LTBP1: variants seen among roughly 807,000 people sequenced by gnomAD.
The protein encoded by LTBP1 is latent transforming growth factor beta binding protein 1.
In LTBP1, 129 loss-of-function variants were observed where a neutral mutation model predicts 207.6. The observed-to-expected ratio is 0.62, with a 90% confidence interval of 0.54 to 0.72. LTBP1 has a LOEUF of 0.72. Ranked by LOEUF, LTBP1 falls within the 30% of genes least tolerant of loss-of-function variation. LTBP1 has a pLI of 0.00. For synonymous variants in LTBP1, 963 were observed against 833.7 expected (o/e 1.16, Z -2.67); for missense variants, 2,281 against 2,217.2 (o/e 1.03, Z -0.58).
intron 2 of LTBP1, among the ~76,000 whole-genome samples, chr2:32,984,540 T>G: frequency 6.6e-6 from 1 of 152,204 alleles, no homozygotes; most frequent in Non-Finnish European, 1.5e-5. Flanking sequence ...ACTCCCATTT[T>G]ATAGAGGAGA....
At chr2:33,151,948 C>G (rs1226346706) in intron 5 of LTBP1, among the ~76,000 whole-genome samples, 1 of 150,956 alleles carries the variant, frequency 6.6e-6, no homozygotes, top group Non-Finnish European at 1.5e-5. Context: ...GCAGTTGTGA[C>G]TTGTGCTGCT....
At position 33,189,199 on chromosome 2, in the gene LTBP1, A is replaced by T. The variant is rs540393556; in HGVS notation, c.1701+348A>T. On this transcript the variant is annotated intron_variant, in intron 7 of 33. Transcript: ENST00000404816. ...TATTTATTTATTTGTTTATTGATTG[A>T]TTGATTGATTGATTGAGTTGGAGTC... is the stretch of plus-strand genomic sequence containing the variant. Among the ~76,000 whole-genome samples the T allele has an allele frequency of 2.6e-5, 4 of 151,878 alleles. No individual in the cohort carries two copies. In the South Asian group the frequency reaches 8.4e-4, roughly 32 times the overall value.
intron 3 of LTBP1, among the ~76,000 whole-genome samples, chr2:33,097,131 C>G (rs937351388): frequency 6.6e-6 from 1 of 152,158 alleles, no homozygotes; most frequent in Non-Finnish European, 1.5e-5. Context: ...GTAATCAAAA[C>G]TTTCTTGAAG....
At position 33,356,265 on chromosome 2, in the gene LTBP1, G is replaced by A. The variant is rs545044348; in HGVS notation, c.4001-4332G>A. ...CGTGATGAATCAGGGGTCAGCATCT[G>A]GTTGTCAGGATGTGGTGATCTGGTG... On this transcript the variant is annotated intron_variant, in intron 26 of 33. Transcript: ENST00000404816. 6.0e-4 allele frequency among the ~76,000 whole-genome samples: 91 copies of A among 152,346 alleles called. 1 individual carries two copies. Among genetic ancestry groups the A allele is most frequent in the African/African-American group, 2.1e-3 (87 of 41,576 alleles).
At chr2:33,310,435 T>C (rs1342911327) in intron 23 of LTBP1, among the ~76,000 whole-genome samples, 1 of 152,224 alleles carries the variant, frequency 6.6e-6, no homozygotes, top group Non-Finnish European at 1.5e-5. Context: ...CAGCTGTAAC[T>C]GAGCTTCTTC....
At chr2:32,969,344 T>TGTG (rs70938381) in intron 2 of LTBP1, among the ~76,000 whole-genome samples, 82,965 of 151,080 alleles carry the variant, frequency 0.55, 23,862 homozygotes, top group Non-Finnish European at 0.63. Context: ...AATTGTGTGT[T>TGTG]GTGGTTTGAT....
chr2:33,223,815 A>G (rs577839024), intron 9 of LTBP1, among the ~76,000 whole-genome samples: 2 of 152,304 alleles, frequency 1.3e-5, no homozygotes, highest in African/African-American at 2.4e-5. Context: ...AAGGACCTAG[A>G]AACATGAGTG....
chr2:33,173,503 G>A (rs1026355812), intron 5 of LTBP1, among the ~76,000 whole-genome samples: 7 of 152,176 alleles, frequency 4.6e-5, no homozygotes, highest in African/African-American at 1.4e-4. Flanking sequence ...TGAAATGGTG[G>A]CAATAATCAC....
At chr2:33,365,944 T>C (rs556044289) in intron 31 of LTBP1, among the ~76,000 whole-genome samples, 1 of 152,326 alleles carries the variant, frequency 6.6e-6, no homozygotes, top group Non-Finnish European at 1.5e-5. Flanking sequence ...TGTGGAGATA[T>C]AAGAAACGGG....
At chr2:33,089,154 T>C (rs1572580777) in intron 3 of LTBP1, among the ~76,000 whole-genome samples, 1 of 21,034 alleles carries the variant, frequency 4.8e-5, no homozygotes, top group African/African-American at 9.1e-5. Flanking sequence ...AGACTCAGTC[T>C]CAAAAAAAAA....
intron 5 of LTBP1, among the ~76,000 whole-genome samples, chr2:33,173,392 C>G (rs1289471881): frequency 2.6e-5 from 4 of 152,180 alleles, no homozygotes; most frequent in Non-Finnish European, 4.4e-5. Flanking sequence ...CGCAAATAAA[C>G]TATAAAATCT....
At chr2:33,193,416 A>G (rs1198428217) in intron 7 of LTBP1, among the ~76,000 whole-genome samples, 1 of 152,230 alleles carries the variant, frequency 6.6e-6, no homozygotes, top group Non-Finnish European at 1.5e-5. Flanking sequence ...TGCTGGGATT[A>G]CAGGCATGAG....
intron 32 of LTBP1, among the ~76,000 whole-genome samples, chr2:33,390,782 T>TG (rs1301417139): frequency 6.6e-6 from 1 of 152,118 alleles, no homozygotes; most frequent in East Asian, 1.9e-4. Flanking sequence ...CCACCATGCC[T>TG]GGCCTGCACC....
rs148979643 is a variant in LTBP1, at chr2:32,954,185, T to C, written c.565+5240T>C. ...GCTGTGACATTCTTTCTTGAGGTCT[T>C]GGTCTGAAAACTGTCCTGACAGTCC... On this transcript the variant is annotated intron_variant, in intron 2 of 33. Transcript: ENST00000404816. Among the ~76,000 whole-genome samples, 14 of 152,304 alleles carry C rather than the reference T, an allele frequency of 9.2e-5. 1 individual carries two copies. The East Asian group carries it at 2.7e-3, about 29-fold the overall frequency.
chr2:33,055,538 T>C (rs1450764522), intron 3 of LTBP1, among the ~76,000 whole-genome samples: 1 of 152,230 alleles, frequency 6.6e-6, no homozygotes, highest in African/African-American at 2.4e-5. Context: ...TCCCTTTCTT[T>C]GGCTGTCATT....
At chr2:33,367,354 T>A (rs1039608725) in intron 31 of LTBP1, among the ~76,000 whole-genome samples, 3 of 152,218 alleles carry the variant, frequency 2.0e-5, no homozygotes, top group Admixed American at 6.5e-5. Context: ...ACTTAAAATT[T>A]TTTTATATTG....
At chr2:33,321,987 A>G (rs2094361380) in intron 24 of LTBP1, among the ~76,000 whole-genome samples, 1 of 152,210 alleles carries the variant, frequency 6.6e-6, no homozygotes, top group African/African-American at 2.4e-5. Context: ...ATCATTAGGG[A>G]GAAAGCTGAG....
intron 32 of LTBP1, among the ~76,000 whole-genome samples, chr2:33,395,981 G>A (rs2095354739): frequency 6.6e-6 from 1 of 151,212 alleles, no homozygotes; most frequent in Admixed American, 6.6e-5. Flanking sequence ...ATGACAGTGT[G>A]TTGGGTCACT....
At chr2:32,990,598 A>C (rs1684257167) in intron 2 of LTBP1, among the ~76,000 whole-genome samples, 1 of 152,208 alleles carries the variant, frequency 6.6e-6, no homozygotes, top group Non-Finnish European at 1.5e-5. Context: ...ACATTTTCAT[A>C]AATTTGGATG....
Sources: gnomAD v4.1 joint callset for allele counts (sites outside exome capture counted in the v4.1 genomes callset) on GRCh38, gnomAD v4.1.1 for gene constraint, MANE v1.5 for transcripts, NCBI Gene and HGNC (gene_info 2026-07-23, HGNC 2026-07-21) for gene names.